The following ATP10A variants were observed in gnomAD, a reference collection of about 807,000 sequenced individuals.
The protein encoded by ATP10A is ATPase phospholipid transporting 10A (putative).
Under a neutral mutation model 147.8 loss-of-function variants are expected in ATP10A, and 111 were observed. That is an observed-to-expected ratio of 0.75 (90% CI 0.64 to 0.88). The LOEUF (loss-of-function observed/expected upper bound fraction) is 0.88. ATP10A is among the 40% of genes least tolerant of loss of function. The probability of loss-of-function intolerance (pLI) is 0.00; values close to 1 mark genes in which losing one functional copy is unlikely to be tolerated. For missense variants in ATP10A, 1,927 were observed against 1,959.0 expected, an observed-to-expected ratio of 0.98 and a Z score of 0.31; for synonymous variants, 875 against 841.6, an observed-to-expected ratio of 1.04 and a Z score of -0.69.
intron 2 of ATP10A, 49 bp from the exon 3 acceptor site, chr15:25,736,190 C>T: frequency 6.5e-7 from 1 of 1,537,058 alleles, no homozygotes; most frequent in Non-Finnish European, 9.0e-7. Context: ...TCAGGCTGCG[C>T]CGTTCTAAAA....
intron 9 of ATP10A, among the ~76,000 whole-genome samples, chr15:25,716,134 G>A (rs748529278): frequency 1.3e-5 from 2 of 152,200 alleles, no homozygotes; most frequent in Non-Finnish European, 1.5e-5. Context: ...AACAATCTTC[G>A]ATGCCCCATA....
At chr15:25,854,853 T>C (rs928957050) in intron 1 of ATP10A, among the ~76,000 whole-genome samples, 2 of 151,774 alleles carry the variant, frequency 1.3e-5, no homozygotes, top group African/African-American at 4.8e-5. Context: ...AAGTCAGGAG[T>C]TCGAGGCCAG....
chr15:25,864,533 C>A (rs1431352961), upstream of ATP10A, among the ~76,000 whole-genome samples: 1 of 152,168 alleles, frequency 6.6e-6, no homozygotes, highest in Non-Finnish European at 1.5e-5. Context: ...CCAGTTATGA[C>A]ATTCTTACAT....
At chr15:25,833,994 A>T (rs1479203163) in intron 1 of ATP10A, among the ~76,000 whole-genome samples, 2 of 152,248 alleles carry the variant, frequency 1.3e-5, no homozygotes, top group South Asian at 2.1e-4. Flanking sequence ...CAAACAAAAA[A>T]AAAACAAACT....
chr15:25,761,465 T>C (rs796724389), intron 2 of ATP10A, among the ~76,000 whole-genome samples: 20 of 152,368 alleles, frequency 1.3e-4, no homozygotes, highest in African/African-American at 4.8e-4. Context: ...CACGGACAGC[T>C]TGCACTAAGT....
At chr15:25,766,946 A>AATACATGGAC (rs1244559948) in intron 2 of ATP10A, among the ~76,000 whole-genome samples, 2 of 151,522 alleles carry the variant, frequency 1.3e-5, no homozygotes, top group Non-Finnish European at 2.9e-5. Flanking sequence ...CATATAACTT[A>AATACATGGAC]ATACATGGAC....
At chr15:25,850,911 T>A (rs1261924277) in intron 1 of ATP10A, among the ~76,000 whole-genome samples, 1 of 152,170 alleles carries the variant, frequency 6.6e-6, no homozygotes, top group African/African-American at 2.4e-5. Context: ...TCAGTTCAAA[T>A]GTGCGGTGAC....
At chr15:25,776,861 C>T (rs1282196109) in intron 2 of ATP10A, among the ~76,000 whole-genome samples, 1 of 152,132 alleles carries the variant, frequency 6.6e-6, no homozygotes, top group African/African-American at 2.4e-5. Flanking sequence ...CCCTGTAGTG[C>T]CTGGCACCTG....
rs115009836 is a variant in ATP10A, at chr15:25,696,207, C to T, written c.2761-1061G>A. Among the ~76,000 whole-genome samples the T allele has an allele frequency of 9.0e-3, 1,364 of 152,294 alleles. 31 individuals carry two copies. The highest frequency in any genetic ancestry group is 0.031 in the African/African-American group (1,294 of 41,550). On this transcript the variant is annotated intron_variant, in intron 13 of 20. Transcript: ENST00000555815. ...TGTTCAACACACGCTTACTGAGGATCCTTTGTATTCAGAAAATGAAGCCAG... is the reference window on the plus strand; with the variant it reads ...TGTTCAACACACGCTTACTGAGGATTCTTTGTATTCAGAAAATGAAGCCAG...
intron 2 of ATP10A, among the ~76,000 whole-genome samples, chr15:25,737,431 CT>C (rs1235819072): frequency 6.6e-6 from 1 of 152,212 alleles, no homozygotes; most frequent in Non-Finnish European, 1.5e-5. Context: ...GTTTATTATT[CT>C]TTCTCTCTAA....
chr15:25,808,974 C>T (rs11161222), intron 1 of ATP10A, among the ~76,000 whole-genome samples: 83,272 of 151,822 alleles, frequency 0.55, 23,904 homozygotes, highest in East Asian at 0.8. Flanking sequence ...GCTCTCACTG[C>T]GTGGCCACGA....
intron 3 of ATP10A, among the ~76,000 whole-genome samples, chr15:25,735,003 C>CGGGGGGGGGGGG (rs774115891): frequency 7.6e-6 from 1 of 131,980 alleles, no homozygotes; most frequent in Non-Finnish European, 1.6e-5. Flanking sequence ...GTGGTGGGAG[C>CGGGGGGGGGGGG]GGGGGGGGGG....
At chr15:25,689,511 C>T (rs1202092701) in intron 15 of ATP10A, among the ~76,000 whole-genome samples, 1 of 152,216 alleles carries the variant, frequency 6.6e-6, no homozygotes, top group East Asian at 1.9e-4. Context: ...TGGCATCCCT[C>T]TCCCTCAGCA....
At chr15:25,808,666 G>A (rs953608570) in intron 1 of ATP10A, among the ~76,000 whole-genome samples, 1 of 152,332 alleles carries the variant, frequency 6.6e-6, no homozygotes, top group Middle Eastern at 3.4e-3. Flanking sequence ...TTACAAGCGT[G>A]AGCCACAGTG....
intron 1 of ATP10A, among the ~76,000 whole-genome samples, chr15:25,788,251 A>G (rs1890259412): frequency 1.3e-5 from 2 of 152,232 alleles, no homozygotes; most frequent in African/African-American, 4.8e-5. Context: ...TCTGGCCACT[A>G]CTTTCATTTA....
chr15:25,683,363 C>G lies in ATP10A; in HGVS notation c.3415G>C (p.Gly1139Arg). 6.2e-7 allele frequency: 1 copy of G among 1,614,160 alleles called. No individual in the cohort carries two copies. Among genetic ancestry groups the G allele is most frequent in the Non-Finnish European group, 8.5e-7 (1 of 1,180,038 alleles). The change falls in exon 17 of 21, where the codon GGG (glycine) becomes CGG (arginine). Residue 1139 changes from glycine (G) to arginine (R), a missense_variant. Coordinates refer to ENST00000555815, the MANE Select transcript of ATP10A (RefSeq NM_024490.4). ...LFSSLPPLVTGVLDRDVPANV... is the reference protein window; with the variant it reads ...LFSSLPPLVTRVLDRDVPANV... ...GCTGGCACATCCCTGTCCAGCACCC[C>G]AGTCACGAGCGGGGGAAGTGACGAG...
At position 25,772,754 on chromosome 15, in the gene ATP10A, C is replaced by T. The variant is rs1283908118; in HGVS notation, c.654+8265G>A. ...ATGAACACCCCGGCATGCACCCAAT[C>T]CCCCACTCTCCGGAACCCCAGGGAA... On this transcript the variant is annotated intron_variant, in intron 2 of 20. Transcript: ENST00000555815. Among the ~76,000 whole-genome samples the T allele has an allele frequency of 2.0e-5, 3 of 152,178 alleles. No homozygotes were observed. The East Asian group carries it at 5.8e-4, about 29-fold the overall frequency.
chr15:25,840,375 T>A (rs553586040), intron 1 of ATP10A, among the ~76,000 whole-genome samples: 2 of 152,280 alleles, frequency 1.3e-5, no homozygotes, highest in East Asian at 1.9e-4. Context: ...GACTCCAGTG[T>A]CTGTTGTTCC....
At chr15:25,676,444 A>T (rs1899137743), downstream of ATP10A, among the ~76,000 whole-genome samples, 2 of 152,212 alleles carry the variant, frequency 1.3e-5, no homozygotes, top group South Asian at 4.1e-4. Flanking sequence ...ATGCACACTT[A>T]CAGCTGGGGC....
Sources: gnomAD v4.1 joint callset for allele counts (sites outside exome capture counted in the v4.1 genomes callset) on GRCh38, gnomAD v4.1.1 for gene constraint, MANE v1.5 for transcripts, NCBI Gene and HGNC (gene_info 2026-07-23, HGNC 2026-07-21) for gene names.